Variants in SHISA6 observed in about 807,000 individuals in gnomAD.
SHISA6 encodes the protein shisa family member 6, also known as protein shisa-6.
SHISA6 carries 22 observed loss-of-function variants against 47.9 expected under a neutral mutation model. The observed-to-expected ratio is 0.46, with a 90% CI of 0.33 to 0.66. The LOEUF (loss-of-function observed/expected upper bound fraction) is 0.66, where lower values mean the gene tolerates loss of function less well. Among genes scored for constraint, SHISA6 ranks in the 30% least tolerant of loss-of-function variants. SHISA6 has a pLI of 0.02. For missense variants in SHISA6, 680 were observed against 764.6 expected, an observed-to-expected ratio of 0.89 and a Z score of 1.30; for synonymous variants, 388 against 337.8, an observed-to-expected ratio of 1.15 and a Z score of -1.63.
intron 3 of SHISA6, among the ~76,000 whole-genome samples, chr17:11,384,032 A>G (rs1313359066): frequency 3.3e-5 from 5 of 152,216 alleles, no homozygotes; most frequent in Admixed American, 6.5e-5. Context: ...ATACATAAAT[A>G]CATACATACT....
chr17:11,348,710 A>T (rs766359352), intron 2 of SHISA6, among the ~76,000 whole-genome samples: 1 of 151,988 alleles, frequency 6.6e-6, no homozygotes, highest in Admixed American at 6.6e-5. Context: ...ATAAGAAACA[A>T]GTTCATTTGG....
intron 3 of SHISA6, among the ~76,000 whole-genome samples, chr17:11,446,938 CCAAGAAA>C (rs1427806381): frequency 6.6e-6 from 1 of 152,140 alleles, no homozygotes; most frequent in Non-Finnish European, 1.5e-5. Context: ...TCTAATCATC[CCAAGAAA>C]CAAGTATAAT....
intron 3 of SHISA6, among the ~76,000 whole-genome samples, chr17:11,405,749 C>T (rs189955320): frequency 2.0e-3 from 299 of 151,594 alleles, no homozygotes; most frequent in Admixed American, 5.3e-3. Context: ...TGCAGTGAGT[C>T]GAGACCACGT....
At chr17:11,463,109 G>A (rs1389837042) in intron 3 of SHISA6, among the ~76,000 whole-genome samples, 1 of 152,196 alleles carries the variant, frequency 6.6e-6, no homozygotes, top group Non-Finnish European at 1.5e-5. Flanking sequence ...CAGTTTACCA[G>A]GCAAGAGTAA....
intron 3 of SHISA6, among the ~76,000 whole-genome samples, chr17:11,488,305 C>T (rs1916400607): frequency 6.6e-6 from 1 of 152,074 alleles, no homozygotes; most frequent in Non-Finnish European, 1.5e-5. Context: ...GGTCCTTTAA[C>T]ACCATATTGT....
At chr17:11,455,950 G>A (rs1030038750) in intron 3 of SHISA6, among the ~76,000 whole-genome samples, 2 of 152,134 alleles carry the variant, frequency 1.3e-5, no homozygotes, top group Non-Finnish European at 2.9e-5. Flanking sequence ...GTGAAGGATT[G>A]AGGTTTGACC....
chr17:11,543,489 C>G (rs1326156553), intron 3 of SHISA6, among the ~76,000 whole-genome samples: 2 of 152,074 alleles, frequency 1.3e-5, no homozygotes, highest in Non-Finnish European at 2.9e-5. Flanking sequence ...ATACATGCCA[C>G]GTTTAGGGAT....
chr17:11,355,309 T>C (rs1486306909), intron 2 of SHISA6, among the ~76,000 whole-genome samples: 1 of 152,252 alleles, frequency 6.6e-6, no homozygotes, highest in Non-Finnish European at 1.5e-5. Flanking sequence ...CCTCGTGGTA[T>C]CACATGCTAC....
At chr17:11,535,021 G>A (rs552654517) in intron 3 of SHISA6, among the ~76,000 whole-genome samples, 39 of 152,222 alleles carry the variant, frequency 2.6e-4, no homozygotes, top group African/African-American at 7.7e-4. Context: ...CCAGCTACTC[G>A]GGAGGCTGAA....
At chr17:11,251,249 C>T (rs1444181964) in intron 1 of SHISA6, among the ~76,000 whole-genome samples, 2 of 7,204 alleles carry the variant, frequency 2.8e-4, no homozygotes, top group East Asian at 0.17. Flanking sequence ...AGTGACCTAC[C>T]TATGAGGGCT....
At chr17:11,555,539 G>A (rs938779474) in intron 4 of SHISA6, among the ~76,000 whole-genome samples, 1 of 151,950 alleles carries the variant, frequency 6.6e-6, no homozygotes, top group Non-Finnish European at 1.5e-5. Flanking sequence ...TGTCTTGGTG[G>A]TGGCTAAAAC....
chr17:11,508,011 C>T lies in SHISA6; in HGVS notation c.896-43885C>T, dbSNP rs118083940. The stretch of plus-strand genomic sequence containing the variant: ...CACTAGCCAGTTGCCTACATTTCCA[C>T]GATGAGGAAACTACTTTCAGACACA... On this transcript the variant is annotated intron_variant, in intron 3 of 5. Coordinates refer to ENST00000441885, the MANE Select transcript of SHISA6 (RefSeq NM_207386.4). Among the ~76,000 whole-genome samples the T allele has an allele frequency of 3.3e-5, 5 of 152,306 alleles. No individual in the cohort carries two copies. In the East Asian group the frequency reaches 9.7e-4, roughly 29 times the overall value.
intron 3 of SHISA6, among the ~76,000 whole-genome samples, chr17:11,404,037 A>G (rs2142266617): frequency 6.6e-6 from 1 of 152,316 alleles, no homozygotes; most frequent in South Asian, 2.1e-4. Flanking sequence ...GGGCTGAGGT[A>G]CTGCTCAAGA....
intron 3 of SHISA6, among the ~76,000 whole-genome samples, chr17:11,390,162 C>T (rs1330357963): frequency 2.0e-5 from 3 of 152,182 alleles, no homozygotes; most frequent in South Asian, 2.1e-4. Flanking sequence ...CAAATAGTAA[C>T]GTAAATTTTC....
intron 2 of SHISA6, among the ~76,000 whole-genome samples, chr17:11,321,042 A>G (rs1171713669): frequency 1.3e-5 from 2 of 152,206 alleles, no homozygotes; most frequent in Non-Finnish European, 2.9e-5. Context: ...TCACATAAAC[A>G]AAGTGGCGTA....
At chr17:11,315,006 A>G (rs1034392522) in intron 2 of SHISA6, among the ~76,000 whole-genome samples, 1 of 152,214 alleles carries the variant, frequency 6.6e-6, no homozygotes, top group Non-Finnish European at 1.5e-5. Flanking sequence ...TAAATAAATC[A>G]GTGAGATTTT....
At position 11,265,050 on chromosome 17, in the gene SHISA6, A is replaced by T. The variant is rs1908375322; in HGVS notation, c.799+1524A>T. The stretch of plus-strand genomic sequence containing the variant: ...CTTTAATACCATAGGTCCTTAAAAC[A>T]AGCAATAGAAGGAATCTTGGCAAAA... On this transcript the variant is annotated intron_variant, in intron 2 of 5. Transcript: ENST00000441885. Among the ~76,000 whole-genome samples the T allele has an allele frequency of 2.6e-5, 4 of 152,226 alleles. 1 individual carries two copies. In the South Asian group the frequency reaches 8.3e-4, roughly 32 times the overall value.
chr17:11,449,986 G>A (rs548655643), intron 3 of SHISA6, among the ~76,000 whole-genome samples: 7 of 152,170 alleles, frequency 4.6e-5, no homozygotes, highest in African/African-American at 1.7e-4. Context: ...CTGGGTTCAC[G>A]CCATTCTCCT....
intron 2 of SHISA6, among the ~76,000 whole-genome samples, chr17:11,281,335 T>C (rs1228738448): frequency 1.3e-5 from 2 of 152,162 alleles, no homozygotes; most frequent in Admixed American, 6.5e-5. Flanking sequence ...CATTAATAGC[T>C]AGTTTGTGGA....
Sources: gnomAD v4.1 joint callset for allele counts (sites outside exome capture counted in the v4.1 genomes callset) on GRCh38, gnomAD v4.1.1 for gene constraint, MANE v1.5 for transcripts, NCBI Gene and HGNC (gene_info 2026-07-23, HGNC 2026-07-21) for gene names.